THOC2: variants seen among roughly 807,000 people sequenced by gnomAD.
The protein encoded by THOC2 is THO complex 2.
In THOC2, 10 loss-of-function variants were observed where a neutral mutation model predicts 128.4. The ratio of observed to expected loss-of-function variants is 0.08; its 90% CI spans 0.05 to 0.13. The LOEUF (loss-of-function observed/expected upper bound fraction) is 0.13. Ranked by LOEUF, THOC2 falls within the 10% of genes least tolerant of loss-of-function variation. The pLI is 1.00. For missense variants in THOC2, 535 were observed against 1,155.7 expected (o/e 0.46, Z 7.79); for synonymous variants, 393 against 396.9 (o/e 0.99, Z 0.12).
At chrX:123,672,726 T>C (rs1459304279) in intron 8 of THOC2, among the ~76,000 whole-genome samples, 1 of 112,029 alleles carries the variant, frequency 8.9e-6, no homozygotes, top group Non-Finnish European at 1.9e-5. Context: ...ATAAGAATCT[T>C]TGAATGCTAT....
intron 21 of THOC2, among the ~76,000 whole-genome samples, chrX:123,632,319 C>A (rs188422771): frequency 9.2e-6 from 1 of 108,493 alleles, no homozygotes; most frequent in East Asian, 2.9e-4. Flanking sequence ...AGAGGCCCGA[C>A]TCTACAAAAA....
rs746967852 is a variant in THOC2 at position 123,726,187 on chromosome X, C to T, written c.71+6765G>A. ...TCGCACCACTGCACTCCAGCCTGGG[C>T]GACAGAGTGAGACTCTGTCTCAAAA... On this transcript the variant is annotated intron_variant, in intron 1 of 38. Transcript: ENST00000245838. Among the ~76,000 whole-genome samples, 96 of 109,730 alleles carry T rather than the reference C, an allele frequency of 8.7e-4. 2 individuals carry two copies. The highest frequency in any genetic ancestry group is 2.8e-3 in the African/African-American group (85 of 30,192).
chrX:123,622,561 G>C (rs371591717), intron 30 of THOC2, among the ~76,000 whole-genome samples, 197 bp downstream of exon 30: 4 of 111,412 alleles, frequency 3.6e-5, no homozygotes, highest in East Asian at 5.6e-4. Context: ...GAAGAATTTA[G>C]AATTATGAGG....
chrX:123,725,311 T>C (rs1464747362), intron 1 of THOC2, among the ~76,000 whole-genome samples: 7 of 108,182 alleles, frequency 6.5e-5, no homozygotes, highest in Non-Finnish European at 1.3e-4. Flanking sequence ...AAGTTGGATA[T>C]GCTGGCTCAT....
chrX:123,716,499 G>A (rs1414818934), intron 1 of THOC2, among the ~76,000 whole-genome samples: 1 of 111,181 alleles, frequency 9.0e-6, no homozygotes, highest in Non-Finnish European at 1.9e-5. Flanking sequence ...GCCGAGGCGG[G>A]TGAATCACAA....
At chrX:123,673,568 C>T (rs1168050492) in intron 8 of THOC2, among the ~76,000 whole-genome samples, 1 of 111,770 alleles carries the variant, frequency 8.9e-6, no homozygotes, top group Non-Finnish European at 1.9e-5. Context: ...CCCACACTCT[C>T]ATCCACATAC....
chrX:123,647,800 C>T (rs1212095602), intron 12 of THOC2, among the ~76,000 whole-genome samples: 1 of 92,481 alleles, frequency 1.1e-5, no homozygotes, highest in East Asian at 3.4e-4. Context: ...TAGATCACGC[C>T]ACTGCACTCC....
intron 1 of THOC2, among the ~76,000 whole-genome samples, chrX:123,732,066 G>A (rs1048089386): frequency 9.0e-6 from 1 of 110,694 alleles, no homozygotes; most frequent in African/African-American, 3.3e-5. Context: ...AAGGGGAGGA[G>A]GGAGCGCTCT....
chrX:123,613,738 C>T, intron 34 of THOC2, 30 bp from the exon 35 acceptor site: 1 of 1,169,534 alleles, frequency 8.6e-7, no homozygotes, highest in Non-Finnish European at 1.2e-6. Context: ...ACTACATTGA[C>T]CAAGGGCTTC....
At chrX:123,720,733 T>TA (rs1038997879) in intron 1 of THOC2, among the ~76,000 whole-genome samples, 22 of 110,925 alleles carry the variant, frequency 2.0e-4, no homozygotes, top group Admixed American at 1.9e-4. Context: ...TATTCAGCCA[T>TA]AAAAAAAAGA....
chrX:123,611,373 T>C lies in THOC2; in HGVS notation c.4754+67A>G. The stretch of plus-strand genomic sequence containing the variant: ...TAAACCACATACTAAAAGAGTACAA[T>C]TGTAAACATGACCAGTATCAAAGCT... On this transcript the variant is annotated intron_variant, in intron 37 of 38. Transcript: ENST00000245838. 2.6e-5 allele frequency: 22 copies of C among 847,317 alleles called. No individual in the cohort carries two copies. The South Asian group carries it at 4.8e-4, about 18-fold the overall frequency. 69.8% of individuals were successfully genotyped at this position (847,317 alleles called of 1,213,427 possible).
chrX:123,634,184 G>A (rs945339685), intron 19 of THOC2, 114 bp from the exon 20 acceptor site: 7 of 407,801 alleles, frequency 1.7e-5, no homozygotes, highest in African/African-American at 1.3e-4. Flanking sequence ...TAAATATGGG[G>A]GAAGGGGCTG....
At chrX:123,696,584 G>T in intron 6 of THOC2, 137 bp downstream of exon 6, 1 of 588,642 alleles carries the variant, frequency 1.7e-6, no homozygotes, top group Non-Finnish European at 2.5e-6. Flanking sequence ...CTTTTAGAAG[G>T]CAAAAAACAC....
At chrX:123,709,138 G>T (rs2051069612) in intron 2 of THOC2, among the ~76,000 whole-genome samples, 1 of 112,703 alleles carries the variant, frequency 8.9e-6, no homozygotes, top group Non-Finnish European at 1.9e-5. Flanking sequence ...GTTTAAAACT[G>T]TCAGGCTAGT....
chrX:123,623,527 G>C (rs1405468120), intron 28 of THOC2: 2 of 558,993 alleles, frequency 3.6e-6, no homozygotes, highest in African/African-American at 4.9e-5. Flanking sequence ...TTGAAGATCT[G>C]TTAACTATGA....
At chrX:123,730,323 C>A (rs1408603373) in intron 1 of THOC2, among the ~76,000 whole-genome samples, 1 of 111,420 alleles carries the variant, frequency 9.0e-6, no homozygotes, top group Admixed American at 9.5e-5. Flanking sequence ...GGATTACAGG[C>A]ATGTGCCACC....
chrX:123,646,336 T>A (rs1210444269), intron 12 of THOC2, among the ~76,000 whole-genome samples: 1 of 112,176 alleles, frequency 8.9e-6, no homozygotes, highest in African/African-American at 3.2e-5. Flanking sequence ...ATGATACTTG[T>A]GTGAATATAA....
intron 3 of THOC2, among the ~76,000 whole-genome samples, chrX:123,704,034 C>A (rs2050825048): frequency 9.1e-6 from 1 of 109,595 alleles, no homozygotes; most frequent in African/African-American, 3.3e-5. Context: ...ATAATGTTTG[C>A]AAAAAATGTT....
At chrX:123,668,029 A>G in intron 10 of THOC2, 130 bp downstream of exon 10, 1 of 444,170 alleles carries the variant, frequency 2.3e-6, no homozygotes, top group Non-Finnish European at 3.5e-6. Flanking sequence ...GTAGCAAATG[A>G]TCCAGAAAAT....
Sources: gnomAD v4.1 joint callset for allele counts (sites outside exome capture counted in the v4.1 genomes callset) on GRCh38, gnomAD v4.1.1 for gene constraint, MANE v1.5 for transcripts, NCBI Gene and HGNC (gene_info 2026-07-23, HGNC 2026-07-21) for gene names.